PSMD11: variants seen among roughly 807,000 people sequenced by gnomAD.
PSMD11 encodes 26S proteasome non-ATPase regulatory subunit 11.
In PSMD11, 5 loss-of-function variants were observed where a neutral mutation model predicts 62.3. The ratio of observed to expected loss-of-function variants is 0.08; its 90% CI spans 0.04 to 0.17. PSMD11 has a LOEUF of 0.17. Among genes scored for constraint, PSMD11 ranks in the 10% least tolerant of loss-of-function variants. The probability of loss-of-function intolerance (pLI) is 1.00; values close to 1 mark genes in which losing one functional copy is unlikely to be tolerated. For synonymous variants in PSMD11, 191 were observed against 191.8 expected, an observed-to-expected ratio of 1.00 and a Z score of 0.03; for missense variants, 310 against 512.9, an observed-to-expected ratio of 0.60 and a Z score of 3.82.
intron 6 of PSMD11, among the ~76,000 whole-genome samples, chr17:32,469,487 G>C (rs911409342): frequency 1.3e-5 from 2 of 152,210 alleles, no homozygotes; most frequent in Non-Finnish European, 2.9e-5. Flanking sequence ...ACTCAGAATA[G>C]TAGCATTTTC....
intron 12 of PSMD11, 43 bp from the exon 13 acceptor site, chr17:32,480,446 C>G: frequency 6.2e-7 from 1 of 1,612,656 alleles, no homozygotes; most frequent in Non-Finnish European, 8.5e-7. Context: ...ACTTTTGTGT[C>G]TAACCTCATC....
chr17:32,467,537 C>T lies in PSMD11; in HGVS notation c.449-1462C>T, dbSNP rs117224886. Among the ~76,000 whole-genome samples the T allele has an allele frequency of 4.1e-3, 629 of 152,068 alleles. 3 individuals carry two copies. Among genetic ancestry groups the T allele is most frequent in the Non-Finnish European group, 7.5e-3 (511 of 67,984 alleles). ...CTGGGATTACAGGCTTGAGCCACTG[C>T]GCCCGGCCTCCTTTATATGTATGTC... On this transcript the variant is annotated intron_variant, in intron 5 of 13. Transcript: ENST00000261712.
In PSMD11 at chr17:32,483,015, CTT is replaced by C. The variant is rs1400541237; in HGVS notation, c.*2264_*2265del. The C allele has an allele frequency of 1.3e-5, 2 of 152,324 alleles. No individual in the cohort carries two copies. The highest frequency in any genetic ancestry group is 1.3e-4 in the Admixed American group (2 of 15,300). 9.4% of individuals were successfully genotyped at this position (152,324 alleles called of 1,614,324 possible). ...AGTAGAGGGGAGATGTTTTCTCAAA[CTT>C]AGGGCAGTCCTGAGATGCTCAGGCA... is the stretch of plus-strand genomic sequence containing the variant. On this transcript the variant is annotated 3_prime_UTR_variant, in exon 14 of 14. Transcript: ENST00000261712.
intron 2 of PSMD11, among the ~76,000 whole-genome samples, chr17:32,451,557 T>C (rs1907499556): frequency 6.6e-6 from 1 of 152,184 alleles, no homozygotes; most frequent in African/African-American, 2.4e-5. Flanking sequence ...AAAGAATAGA[T>C]GTATTCACTG....
At chr17:32,458,315 G>C (rs540502094) in intron 3 of PSMD11, among the ~76,000 whole-genome samples, 1 of 152,128 alleles carries the variant, frequency 6.6e-6, no homozygotes, top group Admixed American at 6.5e-5. Context: ...ACAACCTACT[G>C]CAACCTACTG....
intron 3 of PSMD11, among the ~76,000 whole-genome samples, chr17:32,458,202 T>C (rs1907706905): frequency 6.6e-6 from 1 of 152,172 alleles, no homozygotes; most frequent in African/African-American, 2.4e-5. Context: ...CCTTACCAAA[T>C]AGCCCTCTGA....
In PSMD11 at chr17:32,459,127, T is replaced by C. The variant is rs12938037; in HGVS notation, c.318+4508T>C. On this transcript the variant is annotated intron_variant, in intron 3 of 13. Coordinates refer to ENST00000261712, the MANE Select transcript of PSMD11 (RefSeq NM_002815.4). ...AAAAAAAAAAATACATATATATATA[T>C]ATATATATATATGTATTTTTTTTTT... 1.4e-3 allele frequency among the ~76,000 whole-genome samples: 206 copies of C among 142,628 alleles called. 3 individuals carry two copies. Among genetic ancestry groups the C allele is most frequent in the African/African-American group, 4.6e-3 (178 of 38,406 alleles). 93.6% of individuals were successfully genotyped at this position (142,628 alleles called of 152,430 possible).
At chr17:32,461,866 T>A (rs1206051973) in intron 3 of PSMD11, among the ~76,000 whole-genome samples, 1 of 152,132 alleles carries the variant, frequency 6.6e-6, no homozygotes, top group African/African-American at 2.4e-5. Flanking sequence ...TTTTAGAAAA[T>A]TTTTATGAGG....
In PSMD11 at chr17:32,480,853, C is replaced by G; in HGVS notation, c.*101C>G. 1 of 485,824 alleles carries G rather than the reference C, an allele frequency of 2.1e-6. No homozygotes were observed. Among genetic ancestry groups the G allele is most frequent in the Non-Finnish European group, 3.5e-6 (1 of 288,774 alleles). 30.1% of individuals were successfully genotyped at this position (485,824 alleles called of 1,614,324 possible). A position where few individuals can be genotyped will look rare whatever the true frequency, so the allele number is the denominator to read the frequency against. On this transcript the variant is annotated 3_prime_UTR_variant, in exon 14 of 14. Coordinates refer to ENST00000261712, the MANE Select transcript of PSMD11 (RefSeq NM_002815.4). ...TCTTTTTTCTTTTTGTTCTACTTTT[C>G]GCTCGGAAAGTTTTTAAATCCTCAT...
intron 1 of PSMD11, chr17:32,445,361 GAGTT>G (rs1460629513): frequency 2.0e-5 from 3 of 152,214 alleles, no homozygotes; most frequent in Non-Finnish European, 4.4e-5. Context: ...TGAGTTAAGG[GAGTT>G]AGTTGTCAGC....
At chr17:32,479,105 C>A in intron 9 of PSMD11, 146 bp from the exon 10 acceptor site, 1 of 1,127,306 alleles carries the variant, frequency 8.9e-7, no homozygotes, top group Non-Finnish European at 1.2e-6. Context: ...TCCTTTTCTG[C>A]TTTGTATCAT....
intron 3 of PSMD11, among the ~76,000 whole-genome samples, chr17:32,457,557 TAGC>T (rs1907688438): frequency 6.6e-6 from 1 of 152,292 alleles, no homozygotes; most frequent in Admixed American, 6.5e-5. Context: ...TTTTGATGGT[TAGC>T]AGCTTTGCTT....
At position 32,479,881 on chromosome 17, in the gene PSMD11, T is replaced by C; in HGVS notation, c.1069T>C (p.Ser357Pro). ...IEHISSLIKL[S>P]KADVERKLSQ... ...ACACATATCTAGTCTCATCAAACTC[T>C]CCAAGGTAAGGAGTCTTAAGGCCAT... The change falls in exon 11 of 14, where the codon TCC becomes CCC. Residue 357 changes from serine (S) to proline (P), a missense_variant. Coordinates refer to ENST00000261712, the MANE Select transcript of PSMD11 (RefSeq NM_002815.4). The C allele has an allele frequency of 6.2e-7, 1 of 1,613,616 alleles. No homozygotes were observed. Among genetic ancestry groups the C allele is most frequent in the Non-Finnish European group, 8.5e-7 (1 of 1,179,578 alleles).
intron 2 of PSMD11, among the ~76,000 whole-genome samples, chr17:32,452,739 A>G (rs1907543799): frequency 6.6e-6 from 1 of 152,224 alleles, no homozygotes; most frequent in South Asian, 2.1e-4. Context: ...ATCTTGTGTT[A>G]CATATCATGG....
At chr17:32,444,646 G>A (rs888996960) in intron 1 of PSMD11, 32 bp downstream of exon 1, 1 of 1,609,350 alleles carries the variant, frequency 6.2e-7, no homozygotes, top group Non-Finnish European at 8.5e-7. Context: ...CCCCGGCCCC[G>A]CCGGCCCAGC....
intron 1 of PSMD11, chr17:32,445,775 A>G (rs1907314421): frequency 6.6e-6 from 1 of 152,232 alleles, no homozygotes; most frequent in African/African-American, 2.4e-5. Context: ...GCACGGAGAA[A>G]GGACAATGAC....
chr17:32,456,593 G>A (rs1203301586), intron 3 of PSMD11, among the ~76,000 whole-genome samples: 2 of 152,098 alleles, frequency 1.3e-5, no homozygotes, highest in South Asian at 2.1e-4. Context: ...GCAGTGGCAC[G>A]ATCTCGGCTC....
At chr17:32,468,873 G>T in intron 5 of PSMD11, 126 bp from the exon 6 acceptor site, 1 of 876,122 alleles carries the variant, frequency 1.1e-6, no homozygotes, top group Non-Finnish European at 1.7e-6. Flanking sequence ...GGGTCTAGAG[G>T]TAACCTTTTT....
chr17:32,479,047 C>T (rs1475035061), intron 9 of PSMD11, among the ~76,000 whole-genome samples: 1 of 152,190 alleles, frequency 6.6e-6, no homozygotes. Context: ...GTGACTGGGA[C>T]TCCAGGTGCG....
Sources: allele counts gnomAD v4.1 joint callset (sites outside exome capture counted in the v4.1 genomes callset), GRCh38; gene constraint gnomAD v4.1.1; transcripts MANE v1.5; gene names NCBI Gene and HGNC (gene_info 2026-07-23, HGNC 2026-07-21).